Variants in DMBT1 observed in about 807,000 individuals in gnomAD.
DMBT1 encodes the protein deleted in malignant brain tumors 1, also known as scavenger receptor cysteine-rich domain-containing protein DMBT1.
In DMBT1, 198 loss-of-function variants were observed where a neutral mutation model predicts 252.9. The observed-to-expected ratio is 0.78, with a 90% CI of 0.70 to 0.88. The LOEUF (loss-of-function observed/expected upper bound fraction) is 0.88, where lower values mean the gene tolerates loss of function less well. Ranked by LOEUF, DMBT1 falls within the 40% of genes least tolerant of loss-of-function variation. DMBT1 has a pLI of 0.00. For missense variants in DMBT1, 2,432 were observed against 2,404.7 expected (o/e 1.01, Z -0.24); for synonymous variants, 990 against 942.7 (o/e 1.05, Z -0.92).
In DMBT1 at chr10:122,579,863, A is replaced by T; in HGVS notation, c.965A>T (p.Asn322Ile). The T allele has an allele frequency of 1.2e-6, 2 of 1,613,830 alleles. No homozygotes were observed. The highest frequency in any genetic ancestry group is 2.2e-5 in the East Asian group (1 of 44,868). Residue 322 changes from asparagine (N) to isoleucine (I), a missense_variant, in exon 10 of 56, where the codon AAC (asparagine) becomes ATC (isoleucine). Physicochemically the swap from Asn to Ile is moderately radical, Grantham distance 149. Around this residue, in one of 3 missense-constraint regions of DMBT1, gnomAD observed 1,264 missense variants for 1,082.2 expected, o/e 1.17. Coordinates refer to ENST00000338354, the MANE Select transcript of DMBT1 (RefSeq NM_001377530.1). ...SCPHNGWLTH[N>I]CGHSEDAGVI... ...CCCCACAATGGCTGGCTCACCCACA[A>T]CTGTGGCCATAGTGAAGACGCTGGT...
rs1591388690 is a variant in DMBT1, at chr10:122,598,002, A to G, written c.2946A>G (p.Ala982=). 2 of 1,613,922 alleles carry G rather than the reference A, an allele frequency of 1.2e-6. No homozygotes were observed. Among genetic ancestry groups the G allele is most frequent in the East Asian group, 4.5e-5 (2 of 44,870 alleles). The change falls in exon 25 of 56, where the codon GCA becomes GCG. Residue 982 remains alanine, a synonymous_variant. Transcript: ENST00000338354. The stretch of plus-strand genomic sequence containing the variant: ...CATTGCCGACCATCACCTTGCCTGC[A>G]TCGACAGTAGGTAAATATTCCTCTC... ...PDTLPTITLP[A]STVGSESSLA...
rs1394768225 is a variant in DMBT1, at chr10:122,598,948, G to A, written c.3131G>A (p.Gly1044Glu). 3 of 1,613,802 alleles carry A rather than the reference G, an allele frequency of 1.9e-6. No homozygotes were observed. In the East Asian group the frequency reaches 6.7e-5, roughly 36 times the overall value. ...LGCGWAMSAP[G>E]NARFGQGSGP... ...TGTGGCTGGGCCATGTCAGCCCCAG[G>A]AAATGCCCGGTTTGGTCAGGGCTCA... The change falls in exon 26 of 56, where the codon GGA (glycine) becomes GAA (glutamate). Residue 1044 changes from glycine to glutamate, a missense_variant. Physicochemically the swap from Gly to Glu is moderately conservative, Grantham distance 98. Coordinates refer to ENST00000338354, the MANE Select transcript of DMBT1 (RefSeq NM_001377530.1).
chr10:122,636,189 T>C lies in DMBT1; in HGVS notation c.6747T>C (p.Asn2249=). ...CTGAGTACTACTCCAGTCCCTCCAA[T>C]GACAGCACCAGTAAGTCCCCTTGTG... is the stretch of plus-strand genomic sequence containing the variant. ...FRAEYYSSPS[N]DSTNLLCLPN... Residue 2249 remains asparagine (N), a synonymous_variant, in exon 53 of 56, where the codon AAT becomes AAC. Transcript: ENST00000338354. 6.2e-7 allele frequency: 1 copy of C among 1,613,246 alleles called. No homozygotes were observed. Among genetic ancestry groups the C allele is most frequent in the Non-Finnish European group, 8.5e-7 (1 of 1,179,406 alleles).
In DMBT1 at chr10:122,570,151, C is replaced by A; in HGVS notation, c.92-11C>A. The A allele has an allele frequency of 4.4e-6, 7 of 1,591,320 alleles. No individual in the cohort carries two copies. Among genetic ancestry groups the A allele is most frequent in the Non-Finnish European group, 6.0e-6 (7 of 1,159,464 alleles). The stretch of plus-strand genomic sequence containing the variant: ...CTACCATCAATGAGCTCTTCCTTTT[C>A]CACCTCGCAGCTTCACTGATTCCCT... On this transcript the variant is annotated splice_polypyrimidine_tract_variant and intron_variant, in intron 2 of 55. Coordinates refer to ENST00000338354, the MANE Select transcript of DMBT1 (RefSeq NM_001377530.1).
At chr10:122,599,804 G>C (rs939418783) in intron 26 of DMBT1, among the ~76,000 whole-genome samples, 2 of 152,132 alleles carry the variant, frequency 1.3e-5, no homozygotes, top group African/African-American at 4.8e-5. Flanking sequence ...ACGTGCAAGG[G>C]AGAGGGTTGG....
chr10:122,592,223 C>A (rs2133588076), intron 19 of DMBT1, 49 bp from the exon 20 acceptor site: 1 of 1,577,482 alleles, frequency 6.3e-7, no homozygotes, highest in Non-Finnish European at 8.6e-7. Flanking sequence ...TGCCTTAGAT[C>A]CTTACCTCAT....
rs781390026 is a variant in DMBT1, at chr10:122,620,304, C to G, written c.5284+13C>G. ...GCATTGACAGTAGGTAAATAATCCTCTCGCCCCTCCCTAGGGCTCACTCTC... is the reference window on the plus strand; with the variant it reads ...GCATTGACAGTAGGTAAATAATCCTGTCGCCCCTCCCTAGGGCTCACTCTC... On this transcript the variant is annotated intron_variant, in intron 43 of 55. Transcript: ENST00000338354. The G allele has an allele frequency of 1.7e-5, 28 of 1,613,768 alleles. No individual in the cohort carries two copies. Among genetic ancestry groups the G allele is most frequent in the African/African-American group, 2.7e-5 (2 of 74,920 alleles).
chr10:122,618,579 G>A (rs1028091143), intron 41 of DMBT1, among the ~76,000 whole-genome samples: 5 of 152,220 alleles, frequency 3.3e-5, no homozygotes, highest in African/African-American at 1.2e-4. Flanking sequence ...CCCATCCTGA[G>A]GCAGTGCAAG....
At chr10:122,568,671 C>A (rs1328284417) in intron 2 of DMBT1, among the ~76,000 whole-genome samples, 3 of 152,170 alleles carry the variant, frequency 2.0e-5, no homozygotes, top group Non-Finnish European at 4.4e-5. Context: ...GCTAATGGGG[C>A]ACTATGTGTG....
chr10:122,564,691 G>GA (rs2097575258), intron 1 of DMBT1, among the ~76,000 whole-genome samples: 1 of 151,418 alleles, frequency 6.6e-6, no homozygotes, highest in African/African-American at 2.4e-5. Context: ...ATCATGTGAT[G>GA]AAATCCCTAT....
rs111726992 is a variant in DMBT1, at chr10:122,621,240, G to A, written c.5468G>A (p.Arg1823Gln). ...GWAMSAPGNA[R>Q]FGQGSGPIVL... The stretch of plus-strand genomic sequence containing the variant: ...GCCATGTCGGCCCCAGGAAATGCCC[G>A]GTTTGGCCAGGGCTCAGGACCCATT... Residue 1823 changes from arginine (R) to glutamine (Q), a missense_variant, in exon 44 of 56, where the codon CGG becomes CAG. Physicochemically the swap from Arg to Gln is conservative, Grantham distance 43 (BLOSUM62 1). Coordinates refer to ENST00000338354, the MANE Select transcript of DMBT1 (RefSeq NM_001377530.1). The A allele has an allele frequency of 4.1e-5, 66 of 1,613,690 alleles. No homozygotes were observed. Among genetic ancestry groups the A allele is most frequent in the South Asian group, 2.5e-4 (23 of 91,076 alleles).
chr10:122,600,599 C>G (rs551851268), intron 27 of DMBT1, among the ~76,000 whole-genome samples: 1 of 152,162 alleles, frequency 6.6e-6, no homozygotes, highest in Non-Finnish European at 1.5e-5. Context: ...GATGTCACTG[C>G]TTAACCAGAA....
At chr10:122,575,350 G>A (rs760320632) in intron 6 of DMBT1, among the ~76,000 whole-genome samples, 19 of 152,174 alleles carry the variant, frequency 1.2e-4, no homozygotes, top group Non-Finnish European at 2.6e-4. Context: ...TCCTCCCCAA[G>A]CAGCCCTTTA....
rs567203105 is a variant in DMBT1 at position 122,580,896 on chromosome 10, G to C, written c.1033+1G>C. The C allele has an allele frequency of 1.9e-4, 305 of 1,613,780 alleles. 2 individuals are homozygous for C. The South Asian group carries it at 3.2e-3, about 17-fold the overall frequency. ...CAGTCCCGGCCGACACCCAGCCCAGGTAGGTCCCCAGTGTCCTTCCTCAAA... is the reference window on the plus strand; with the variant it reads ...CAGTCCCGGCCGACACCCAGCCCAGCTAGGTCCCCAGTGTCCTTCCTCAAA... On this transcript the variant is annotated splice_donor_variant, in intron 11 of 55. Transcript: ENST00000338354. LOFTEE classifies it high-confidence loss of function.
At chr10:122,570,858 A>T in intron 3 of DMBT1, 32 bp from the exon 4 acceptor site, 1 of 1,609,194 alleles carries the variant, frequency 6.2e-7, no homozygotes, top group African/African-American at 1.3e-5. Flanking sequence ...AAGGGCTACC[A>T]TCAATGAGCT....
At chr10:122,588,923 G>A in intron 16 of DMBT1, 21 bp from the exon 17 acceptor site, 1 of 1,587,138 alleles carries the variant, frequency 6.3e-7, no homozygotes, top group African/African-American at 1.3e-5. Flanking sequence ...ATTGATGAAG[G>A]GTTCTTGTGT....
chr10:122,598,805 G>C lies in DMBT1; in HGVS notation c.2988G>C (p.Val996=), dbSNP rs536291958. The change falls in exon 26 of 56, where the codon GTG becomes GTC. Residue 996 remains valine, a synonymous_variant. Transcript: ENST00000338354. ...GSESSLALRL[V]NGGDRCQGRV... is the part of the protein sequence containing the mutation. The stretch of plus-strand genomic sequence containing the variant: ...AATCCAGTTTGGCCCTGAGGCTGGT[G>C]AATGGAGGTGACAGGTGTCAGGGCC... 19 of 1,613,388 alleles carry C rather than the reference G, an allele frequency of 1.2e-5. No individual in the cohort carries two copies. The South Asian group carries it at 2.0e-4, about 17-fold the overall frequency.
In DMBT1 at chr10:122,599,053, C is replaced by T. The variant is rs755146462; in HGVS notation, c.3236C>T (p.Ser1079Phe). ...LWSCPHNGWL[S>F]HNCGHSEDAG... ...AGCTGCCCCCACAATGGCTGGCTCT[C>T]CCACAACTGTGGCCATAGTGAAGAC... Residue 1079 changes from serine to phenylalanine, a missense_variant, in exon 26 of 56, where the codon TCC becomes TTC. Physicochemically the swap from Ser to Phe is radical, Grantham distance 155. Around this residue, in one of 3 missense-constraint regions of DMBT1, gnomAD observed 1,264 missense variants for 1,082.2 expected, o/e 1.17. Coordinates refer to ENST00000338354, the MANE Select transcript of DMBT1 (RefSeq NM_001377530.1). The T allele has an allele frequency of 5.6e-6, 9 of 1,613,818 alleles. No individual in the cohort carries two copies. The highest frequency in any genetic ancestry group is 1.1e-5 in the South Asian group (1 of 91,070).
rs899370670 is a variant in DMBT1, at chr10:122,592,709, A to C, written c.2500+114A>C. On this transcript the variant is annotated intron_variant, in intron 20 of 55. Transcript: ENST00000338354. ...AGATTCTTCTATGTTTCCTATATTT[A>C]TGTAGTCTTGTTAGCTCTCTGCTAA... is the stretch of plus-strand genomic sequence containing the variant. 5.3e-6 allele frequency: 8 copies of C among 1,505,626 alleles called. 1 individual carries two copies. The highest frequency in any genetic ancestry group is 1.3e-5 in the South Asian group (1 of 74,528). The allele number at this position is 1,505,626 out of a possible 1,614,324, so 93.3% of individuals were successfully genotyped here.
Sources: gnomAD v4.1 joint callset for allele counts (sites outside exome capture counted in the v4.1 genomes callset) on GRCh38, gnomAD v4.1.1 for gene constraint, gnomAD v4.1.1 regional missense constraint, MANE v1.5 for transcripts, NCBI Gene and HGNC (gene_info 2026-07-23, HGNC 2026-07-21) for gene names.